The following ITSN1 variants were observed in gnomAD, a reference collection of about 807,000 sequenced individuals.
ITSN1 encodes the protein intersectin 1.
ITSN1 carries 58 observed loss-of-function variants against 239.8 expected under a neutral mutation model. The ratio of observed to expected loss-of-function variants is 0.24; its 90% CI spans 0.20 to 0.30. The LOEUF (loss-of-function observed/expected upper bound fraction) is 0.30, where lower values mean the gene tolerates loss of function less well. Among genes scored for constraint, ITSN1 ranks in the 10% least tolerant of loss-of-function variants. The pLI is 1.00. For missense variants in ITSN1, 1,558 were observed against 2,103.3 expected, an observed-to-expected ratio of 0.74 and a Z score of 5.07; for synonymous variants, 780 against 770.8, an observed-to-expected ratio of 1.01 and a Z score of -0.20.
In ITSN1 at chr21:33,850,182, AC is replaced by A. The variant is rs544865702; in HGVS notation, c.3662-6550del. On this transcript the variant is annotated intron_variant, in intron 29 of 39. Coordinates refer to ENST00000381318, the MANE Select transcript of ITSN1 (RefSeq NM_003024.3). ...TCAGCAGTAATTAAACTGCCTGGCA[AC>A]CCCTGTGGACTGGATTCCCCTCCTT... 2.6e-3 allele frequency among the ~76,000 whole-genome samples: 403 copies of A among 152,310 alleles called. 2 individuals are homozygous for A. Among genetic ancestry groups the A allele is most frequent in the African/African-American group, 9.2e-3 (384 of 41,550 alleles).
rs138443424 is a variant in ITSN1 at position 33,771,671 on chromosome 21, A to G, written c.1043-390A>G. 2.3e-3 allele frequency among the ~76,000 whole-genome samples: 349 copies of G among 152,300 alleles called. 1 individual carries two copies. Among genetic ancestry groups the G allele is most frequent in the African/African-American group, 8.3e-3 (345 of 41,562 alleles). On this transcript the variant is annotated intron_variant, in intron 11 of 39. Coordinates refer to ENST00000381318, the MANE Select transcript of ITSN1 (RefSeq NM_003024.3). ...CTGCTTTGAGAAATCTTGTTAGAAT[A>G]GAGGACTCATCAGCACGGTTACAAG... is the stretch of plus-strand genomic sequence containing the variant.
chr21:33,655,583 ATTTTTTTT>A (rs756792867), intron 1 of ITSN1, among the ~76,000 whole-genome samples: 1 of 126,100 alleles, frequency 7.9e-6, no homozygotes, highest in African/African-American at 3.0e-5. Flanking sequence ...TGCCTGGCTA[ATTTTTTTT>A]TTTTTTTTTT....
At chr21:33,655,347 C>T (rs1184638015) in intron 1 of ITSN1, among the ~76,000 whole-genome samples, 1 of 152,110 alleles carries the variant, frequency 6.6e-6, no homozygotes, top group Non-Finnish European at 1.5e-5. Flanking sequence ...GGGACATTCA[C>T]AGTGTACAGT....
intron 5 of ITSN1, chr21:33,735,595 G>A: frequency 4.5e-6 from 1 of 223,582 alleles, no homozygotes. Flanking sequence ...TTTGGATTAT[G>A]GCATCTAGAA....
intron 13 of ITSN1, 32 bp downstream of exon 13, chr21:33,774,910 T>C (rs2069475525): frequency 6.2e-7 from 1 of 1,604,424 alleles, no homozygotes; most frequent in African/African-American, 1.3e-5. Flanking sequence ...TTTGAAAATA[T>C]ACTAAGATGG....
chr21:33,759,676 C>T (rs1302878212), intron 8 of ITSN1, among the ~76,000 whole-genome samples: 4 of 152,292 alleles, frequency 2.6e-5, no homozygotes, highest in Non-Finnish European at 5.9e-5. Context: ...TTCTTAGATG[C>T]TCCCAAAACA....
chr21:33,686,994 G>T (rs1487651250), intron 1 of ITSN1, among the ~76,000 whole-genome samples: 2 of 152,106 alleles, frequency 1.3e-5, no homozygotes, highest in Admixed American at 6.5e-5. Flanking sequence ...TTTGCAGAAT[G>T]GTCTTTTTCT....
At chr21:33,877,825 T>TTGTGTG (rs3835379) in intron 34 of ITSN1, among the ~76,000 whole-genome samples, 85 of 147,322 alleles carry the variant, frequency 5.8e-4, no homozygotes, top group East Asian at 2.0e-3. Flanking sequence ...TGTTTCTATT[T>TTGTGTG]TGTGTGTGTG....
chr21:33,657,853 G>T (rs2089220408), intron 1 of ITSN1, among the ~76,000 whole-genome samples: 2 of 152,182 alleles, frequency 1.3e-5, no homozygotes, highest in Non-Finnish European at 2.9e-5. Flanking sequence ...GGGCATGGTG[G>T]TGTACTCTTG....
At position 33,690,817 on chromosome 21, in the gene ITSN1, A is replaced by G. The variant is rs190766990; in HGVS notation, c.-32-27980A>G. On this transcript the variant is annotated intron_variant, in intron 1 of 39. Coordinates refer to ENST00000381318, the MANE Select transcript of ITSN1 (RefSeq NM_003024.3). ...TATATATATATATATATATATATGT[A>G]TATATATATATATATATATATGTAA... 1.0e-3 allele frequency among the ~76,000 whole-genome samples: 54 copies of G among 54,070 alleles called. 6 individuals are homozygous for G. In the South Asian group the frequency reaches 0.012, roughly 12 times the overall value. 35.5% of individuals were successfully genotyped at this position (54,070 alleles called of 152,430 possible).
chr21:33,810,931 A>G (rs2072864400), intron 20 of ITSN1, 44 bp from the exon 21 acceptor site: 1 of 1,613,440 alleles, frequency 6.2e-7, no homozygotes, highest in Non-Finnish European at 8.5e-7. Context: ...GGGTCTATTC[A>G]GGGGTTAATT....
At chr21:33,834,018 A>G (rs1417033805) in intron 27 of ITSN1, among the ~76,000 whole-genome samples, 1 of 152,196 alleles carries the variant, frequency 6.6e-6, no homozygotes, top group Non-Finnish European at 1.5e-5. Flanking sequence ...CTAGCATTAC[A>G]TGAGTAGAAT....
rs2092475967 is a variant in ITSN1, at chr21:33,713,510, G to C, written c.-32-5287G>C. On this transcript the variant is annotated intron_variant, in intron 1 of 39. Transcript: ENST00000381318. ...GCTTGCCTCGGCCTCCCAGAGTGCTGGGATTACAGGCGTGAGCACCACTCC... is the reference window on the plus strand; with the variant it reads ...GCTTGCCTCGGCCTCCCAGAGTGCTCGGATTACAGGCGTGAGCACCACTCC... Among the ~76,000 whole-genome samples, 6 of 51,252 alleles carry C rather than the reference G, an allele frequency of 1.2e-4. No individual in the cohort carries two copies. In the Admixed American group the frequency reaches 1.7e-3, roughly 15 times the overall value. 33.6% of individuals were successfully genotyped at this position (51,252 alleles called of 152,430 possible).
intron 1 of ITSN1, among the ~76,000 whole-genome samples, chr21:33,686,292 A>G (rs921731647): frequency 3.3e-5 from 5 of 152,072 alleles, no homozygotes; most frequent in Non-Finnish European, 7.4e-5. Context: ...TAGGTGCCAT[A>G]TCAAAGCAAG....
intron 27 of ITSN1, among the ~76,000 whole-genome samples, chr21:33,830,061 G>A (rs563832680): frequency 6.6e-6 from 1 of 152,308 alleles, no homozygotes; most frequent in Non-Finnish European, 1.5e-5. Context: ...ATTAGAGAGT[G>A]GAGCTTTTCA....
chr21:33,772,454 G>C, intron 12 of ITSN1, 131 bp downstream of exon 12: 18 of 1,129,238 alleles, frequency 1.6e-5, no homozygotes, highest in Admixed American at 7.9e-5. Context: ...CCAAAGTTGT[G>C]CAACCATCGT....
intron 1 of ITSN1, among the ~76,000 whole-genome samples, chr21:33,714,021 G>A (rs1234776738): frequency 6.6e-6 from 1 of 151,766 alleles, no homozygotes; most frequent in South Asian, 2.1e-4. Context: ...TGGTGGAGAC[G>A]GGGTTTTACC....
chr21:33,818,097 G>T lies in ITSN1; in HGVS notation c.2728-170G>T, dbSNP rs770027661. On this transcript the variant is annotated intron_variant, in intron 22 of 39. Coordinates refer to ENST00000381318, the MANE Select transcript of ITSN1 (RefSeq NM_003024.3). ...CCTCCACTTTTGGAAATAAACAATT[G>T]TTGGGAAACAGTGAAGCATCCAGCC... 32 of 615,944 alleles carry T rather than the reference G, an allele frequency of 5.2e-5. No homozygotes were observed. In the East Asian group the frequency reaches 8.5e-4, roughly 16 times the overall value. The allele number at this position is 615,944 out of a possible 1,614,324, so 38.2% of individuals were successfully genotyped here. A position where few individuals can be genotyped will look rare whatever the true frequency, so the allele number is the denominator to read the frequency against.
At chr21:33,827,330 G>A (rs1034647673) in intron 26 of ITSN1, among the ~76,000 whole-genome samples, 1 of 152,118 alleles carries the variant, frequency 6.6e-6, no homozygotes, top group African/African-American at 2.4e-5. Flanking sequence ...AACCCGGGAG[G>A]CCAAGGTGGC....
Sources: allele counts gnomAD v4.1 joint callset (sites outside exome capture counted in the v4.1 genomes callset), GRCh38; gene constraint gnomAD v4.1.1; transcripts MANE v1.5; gene names NCBI Gene and HGNC (gene_info 2026-07-23, HGNC 2026-07-21).